The following RGS6 variants were observed in gnomAD, a reference collection of about 807,000 sequenced individuals.
The protein encoded by RGS6 is regulator of G protein signaling 6, also known as regulator of G-protein signaling 6.
RGS6 carries 30 observed loss-of-function variants against 78.5 expected under a neutral mutation model. The observed-to-expected ratio is 0.38, with a 90% CI of 0.29 to 0.52. The LOEUF (loss-of-function observed/expected upper bound fraction) is 0.52. RGS6 is among the 20% of genes least tolerant of loss of function. RGS6 has a pLI of 0.85. For missense variants in RGS6, 495 were observed against 609.7 expected, an observed-to-expected ratio of 0.81 and a Z score of 1.98; for synonymous variants, 206 against 206.0, an observed-to-expected ratio of 1.00 and a Z score of 0.00.
At chr14:72,345,727 T>C (rs2238193) in intron 2 of RGS6, among the ~76,000 whole-genome samples, 8,666 of 152,304 alleles carry the variant, frequency 0.057, 404 homozygotes, top group East Asian at 0.27. Context: ...TCTACCTGTT[T>C]TCATAACTGT....
intron 3 of RGS6, among the ~76,000 whole-genome samples, chr14:72,433,462 G>T (rs920041837): frequency 5.3e-5 from 8 of 151,608 alleles, no homozygotes; most frequent in Non-Finnish European, 1.0e-4. Flanking sequence ...TAACGAAACT[G>T]CACATCCTGC....
chr14:72,561,519 C>T (rs541118333), intron 17 of RGS6, among the ~76,000 whole-genome samples: 2 of 152,310 alleles, frequency 1.3e-5, no homozygotes, highest in African/African-American at 2.4e-5. Flanking sequence ...ATAAGCAAAG[C>T]GACGGAGCCT....
chr14:72,016,761 TC>T (rs1161667396), intron 2 of RGS6, among the ~76,000 whole-genome samples: 1 of 152,240 alleles, frequency 6.6e-6, no homozygotes, highest in African/African-American at 2.4e-5. Flanking sequence ...ACTTCAGTTT[TC>T]TTTTTTGGAA....
At chr14:72,586,323 G>A in the RGS6 span, among the ~76,000 whole-genome samples, 126,477 of 152,116 alleles carry the variant, frequency 0.83, 52,751 homozygotes, top group East Asian at 0.91. Flanking sequence ...CCATTCCCAC[G>A]GGTTTGAGTT....
the RGS6 span, among the ~76,000 whole-genome samples, chr14:71,902,310 G>C: frequency 2.0e-5 from 3 of 152,128 alleles, no homozygotes; most frequent in Admixed American, 6.5e-5. Context: ...AATTAACAAA[G>C]ATTATTTTGG....
chr14:72,553,830 T>G (rs1442790315), intron 17 of RGS6, among the ~76,000 whole-genome samples: 2 of 152,180 alleles, frequency 1.3e-5, no homozygotes, highest in Non-Finnish European at 2.9e-5. Context: ...GCAGGAAACG[T>G]AGCAATCTCA....
At chr14:72,393,819 G>A (rs78631381) in intron 3 of RGS6, among the ~76,000 whole-genome samples, 5 of 152,242 alleles carry the variant, frequency 3.3e-5, no homozygotes, top group East Asian at 1.9e-4. Context: ...GAAAATAGAC[G>A]AGTCTCAGAA....
intron 2 of RGS6, among the ~76,000 whole-genome samples, chr14:72,230,133 A>G (rs1473865928): frequency 6.6e-6 from 1 of 152,202 alleles, no homozygotes; most frequent in Non-Finnish European, 1.5e-5. Context: ...AGTTTTTCAA[A>G]GGAGGAGATA....
At chr14:72,452,600 C>T (rs917773377) in intron 3 of RGS6, among the ~76,000 whole-genome samples, 1 of 152,348 alleles carries the variant, frequency 6.6e-6, no homozygotes, top group Non-Finnish European at 1.5e-5. Context: ...TCTGCTGGAT[C>T]CCCAGGCCTT....
chr14:72,544,903 A>G (rs78067294), intron 17 of RGS6, among the ~76,000 whole-genome samples: 6,547 of 152,296 alleles, frequency 0.043, 266 homozygotes, highest in African/African-American at 0.096. Flanking sequence ...GTGGAGGGCT[A>G]AGGCTCTCCG....
chr14:71,885,684 A>C, the RGS6 span, among the ~76,000 whole-genome samples: 2 of 152,176 alleles, frequency 1.3e-5, no homozygotes, highest in Admixed American at 1.3e-4. Context: ...CTGCAAAATT[A>C]ATAATACAGC....
chr14:72,284,311 G>A (rs2062101312), intron 2 of RGS6, among the ~76,000 whole-genome samples: 1 of 152,072 alleles, frequency 6.6e-6, no homozygotes, highest in Non-Finnish European at 1.5e-5. Flanking sequence ...GGGCATGTCA[G>A]ATAACTTTGC....
chr14:72,457,915 G>A (rs1351792781), intron 4 of RGS6, among the ~76,000 whole-genome samples: 1 of 152,188 alleles, frequency 6.6e-6, no homozygotes, highest in Non-Finnish European at 1.5e-5. Context: ...CGGAGTATTT[G>A]ACCTGTACCA....
At position 72,102,758 on chromosome 14, in the gene RGS6, C is replaced by G. The variant is rs531855112; in HGVS notation, c.84+137883C>G. The stretch of plus-strand genomic sequence containing the variant: ...TTTTGATAAAGCAAAATACAATTAA[C>G]TTTAAGAAACCTGTTCATTATTTTA... On this transcript the variant is annotated intron_variant, in intron 2 of 17. Transcript: ENST00000553525. Among the ~76,000 whole-genome samples the G allele has an allele frequency of 2.6e-5, 4 of 152,238 alleles. No individual in the cohort carries two copies. In the South Asian group the frequency reaches 8.3e-4, roughly 32 times the overall value.
At chr14:72,206,195 G>A (rs1188515290) in intron 2 of RGS6, among the ~76,000 whole-genome samples, 1 of 152,112 alleles carries the variant, frequency 6.6e-6, no homozygotes, top group African/African-American at 2.4e-5. Flanking sequence ...CTTGGTACAG[G>A]GGCTTATGCC....
chr14:72,488,765 G>A (rs2096533443), intron 12 of RGS6, among the ~76,000 whole-genome samples: 2 of 152,152 alleles, frequency 1.3e-5, no homozygotes, highest in Non-Finnish European at 2.9e-5. Context: ...CCTCAGCCCA[G>A]CACTCACTCA....
intron 2 of RGS6, among the ~76,000 whole-genome samples, chr14:72,226,861 A>G (rs1757219158): frequency 6.6e-6 from 1 of 152,016 alleles, no homozygotes; most frequent in African/African-American, 2.4e-5. Flanking sequence ...AATTTTTTGT[A>G]TTTTTAGTAG....
intron 3 of RGS6, among the ~76,000 whole-genome samples, chr14:72,421,898 C>T (rs566576088): frequency 4.1e-4 from 62 of 152,254 alleles, no homozygotes; most frequent in African/African-American, 1.5e-3. Flanking sequence ...ATCATGCTCC[C>T]GGCTGACCTC....
intron 2 of RGS6, among the ~76,000 whole-genome samples, chr14:72,083,759 A>G (rs1228880023): frequency 2.0e-5 from 3 of 152,204 alleles, no homozygotes; most frequent in African/African-American, 7.2e-5. Flanking sequence ...TTGAGAAGGT[A>G]TTTATAAAAG....
Sources: gnomAD v4.1 joint callset for allele counts (sites outside exome capture counted in the v4.1 genomes callset) on GRCh38, gnomAD v4.1.1 for gene constraint, MANE v1.5 for transcripts, NCBI Gene and HGNC (gene_info 2026-07-23, HGNC 2026-07-21) for gene names.